The following MAP3K1 variants were observed in gnomAD, a reference collection of about 807,000 sequenced individuals.
MAP3K1 encodes the protein MAP/ERK kinase kinase 1.
Under a neutral mutation model 144.2 loss-of-function variants are expected in MAP3K1, and 36 were observed. The observed-to-expected ratio is 0.25, with a 90% CI of 0.19 to 0.33. The LOEUF is 0.33. Among genes scored for constraint, MAP3K1 ranks in the 10% least tolerant of loss-of-function variants. The pLI is 1.00. For missense variants in MAP3K1, 1,650 were observed against 1,881.9 expected, an observed-to-expected ratio of 0.88 and a Z score of 2.28; for synonymous variants, 718 against 688.7, an observed-to-expected ratio of 1.04 and a Z score of -0.67.
rs80205978 is a variant in MAP3K1, at chr5:56,895,976, C to A, written c.*2296C>A. On this transcript the variant is annotated 3_prime_UTR_variant, in exon 20 of 20. Coordinates refer to ENST00000399503, the MANE Select transcript of MAP3K1 (RefSeq NM_005921.2). ...CACCTTACTGTGTAAGCAAATGTTA[C>A]AAAAAAAAAAAAAAAAAATCTCTGG... The A allele has an allele frequency of 0.015, 2,704 of 180,996 alleles. No individual in the cohort carries two copies. Among genetic ancestry groups the A allele is most frequent in the Admixed American group, 0.017 (227 of 13,118 alleles). 11.2% of individuals were successfully genotyped at this position (180,996 alleles called of 1,614,324 possible).
chr5:56,872,587 AAAT>A (rs1201695530), intron 7 of MAP3K1, 51 bp from the exon 8 acceptor site: 11 of 1,015,758 alleles, frequency 1.1e-5, no homozygotes, highest in Non-Finnish European at 1.7e-5. Flanking sequence ...TATGAAATAA[AAAT>A]AATGTTAAAC....
intron 1 of MAP3K1, among the ~76,000 whole-genome samples, chr5:56,855,173 C>T (rs77146048): frequency 0.02 from 3,016 of 151,784 alleles, 122 homozygotes; most frequent in African/African-American, 0.069. Context: ...TCCATCCCCC[C>T]TTCCTCTTTC....
rs1748673523 is a variant in MAP3K1, at chr5:56,895,365, T to TG, written c.*1686dup. On this transcript the variant is annotated 3_prime_UTR_variant, in exon 20 of 20. Coordinates refer to ENST00000399503, the MANE Select transcript of MAP3K1 (RefSeq NM_005921.2). ...TTGTACTTGACTTTCTTTTTTATTT[T>TG]GTTTTTTTTTTTTTTTGACTACTTA... The TG allele has an allele frequency of 1.7e-5, 1 of 58,728 alleles. No homozygotes were observed. The highest frequency in any genetic ancestry group is 1.9e-4 in the Admixed American group (1 of 5,314). The allele number at this position is 58,728 out of a possible 1,614,324, so 3.6% of individuals were successfully genotyped here. A position where few individuals can be genotyped will look rare whatever the true frequency, so the allele number is the denominator to read the frequency against.
intron 1 of MAP3K1, among the ~76,000 whole-genome samples, chr5:56,847,333 A>G (rs1013622868): frequency 6.6e-5 from 10 of 152,238 alleles, no homozygotes; most frequent in Admixed American, 4.6e-4. Flanking sequence ...GTGGTGGCTC[A>G]TGCCTGTAAT....
chr5:56,864,628 C>T (rs1233255065), intron 3 of MAP3K1, 106 bp from the exon 4 acceptor site: 9 of 1,198,910 alleles, frequency 7.5e-6, no homozygotes, highest in Non-Finnish European at 9.9e-6. Context: ...CCTCCTCGGC[C>T]TCCCAAAGTG....
At chr5:56,883,469 A>C (rs1388746201) in intron 14 of MAP3K1, 58 bp from the exon 15 acceptor site, 1 of 1,533,738 alleles carries the variant, frequency 6.5e-7, no homozygotes, top group Admixed American at 1.7e-5. Context: ...CTTGCAGACT[A>C]ATTTCACAAA....
At chr5:56,829,395 C>T (rs1746420398) in intron 1 of MAP3K1, among the ~76,000 whole-genome samples, 1 of 149,596 alleles carries the variant, frequency 6.7e-6, no homozygotes, top group Non-Finnish European at 1.5e-5. Flanking sequence ...GCCATGTTGC[C>T]TAAGCCGGTC....
intron 16 of MAP3K1, among the ~76,000 whole-genome samples, 172 bp downstream of exon 16, chr5:56,884,998 A>G (rs1008836787): frequency 2.6e-5 from 4 of 152,218 alleles, no homozygotes; most frequent in African/African-American, 4.8e-5. Flanking sequence ...TATTTCATTT[A>G]CTATAAATGA....
Position 56,894,116 on chromosome 5 carries a change from T to C in MAP3K1, c.*436T>C, listed in dbSNP as rs1297606181. 1 of 321,102 alleles carries C rather than the reference T, an allele frequency of 3.1e-6. No individual in the cohort carries two copies. Among genetic ancestry groups the C allele is most frequent in the Non-Finnish European group, 5.9e-6 (1 of 170,782 alleles). The allele number at this position is 321,102 out of a possible 1,614,324, so 19.9% of individuals were successfully genotyped here. A position where few individuals can be genotyped will look rare whatever the true frequency, so the allele number is the denominator to read the frequency against. ...CGTTCAAATTTTTTGTCACTGGCTATAAAATCAGTATCTGCCTCTTTTAGG... is the reference window on the plus strand; with the variant it reads ...CGTTCAAATTTTTTGTCACTGGCTACAAAATCAGTATCTGCCTCTTTTAGG... On this transcript the variant is annotated 3_prime_UTR_variant, in exon 20 of 20. Transcript: ENST00000399503.
intron 1 of MAP3K1, among the ~76,000 whole-genome samples, chr5:56,821,950 A>G (rs987657250): frequency 3.9e-5 from 6 of 152,232 alleles, no homozygotes; most frequent in Non-Finnish European, 5.9e-5. Flanking sequence ...GATTTTAATC[A>G]TGATCTAGCT....
chr5:56,858,061 A>G (rs1400429226), intron 2 of MAP3K1, among the ~76,000 whole-genome samples: 2 of 152,216 alleles, frequency 1.3e-5, no homozygotes, highest in African/African-American at 2.4e-5. Context: ...GAAGGTGAAT[A>G]TGAAGAAATT....
In MAP3K1 at chr5:56,895,339, G is replaced by A. The variant is rs1219767860; in HGVS notation, c.*1659G>A. 1 of 228,190 alleles carries A rather than the reference G, an allele frequency of 4.4e-6. No individual in the cohort carries two copies. Among genetic ancestry groups the A allele is most frequent in the African/African-American group, 2.3e-5 (1 of 44,296 alleles). 14.1% of individuals were successfully genotyped at this position (228,190 alleles called of 1,614,324 possible). On this transcript the variant is annotated 3_prime_UTR_variant, in exon 20 of 20. Coordinates refer to ENST00000399503, the MANE Select transcript of MAP3K1 (RefSeq NM_005921.2). The stretch of plus-strand genomic sequence containing the variant: ...TGTGAAGTTTGGTATCTCTAAATGT[G>A]TTGTACTTGACTTTCTTTTTTATTT...
Position 56,882,025 on chromosome 5 carries a change from C to T in MAP3K1, c.2825C>T (p.Thr942Ile), listed in dbSNP as rs200778337. 2 of 819,262 alleles carry T rather than the reference C, an allele frequency of 2.4e-6. No homozygotes were observed. Among genetic ancestry groups the T allele is most frequent in the African/African-American group, 9.0e-5 (2 of 22,178 alleles). The allele number at this position is 819,262 out of a possible 1,614,324, so 50.7% of individuals were successfully genotyped here. A position where few individuals can be genotyped will look rare whatever the true frequency, so the allele number is the denominator to read the frequency against. The change falls in exon 14 of 20, where the codon ACA becomes ATA. Residue 942 changes from threonine (T) to isoleucine (I), a missense_variant. Physicochemically the swap from Thr to Ile is moderately conservative, Grantham distance 89 (BLOSUM62 -1). This residue lies in a region of MAP3K1 where 841 missense variants were observed against 886.5 expected (regional missense o/e 0.95). Coordinates refer to ENST00000399503, the MANE Select transcript of MAP3K1 (RefSeq NM_005921.2). ...ATTTCAGTAGGACCTTCTAGTTCAA[C>T]AACAACAACAACAACAACAACAGAG... Reference protein sequence around the residue: ...ASISVGPSSSTTTTTTTTEQP... With the variant: ...ASISVGPSSSITTTTTTTEQP...
At chr5:56,893,502 A>G in intron 19 of MAP3K1, 29 bp from the exon 20 acceptor site, 1 of 1,612,968 alleles carries the variant, frequency 6.2e-7, no homozygotes, top group Non-Finnish European at 8.5e-7. Flanking sequence ...CAGTTGTGCA[A>G]AGCTTCAACA....
chr5:56,858,387 G>A (rs1747402401), intron 2 of MAP3K1, among the ~76,000 whole-genome samples: 1 of 152,194 alleles, frequency 6.6e-6, no homozygotes, highest in Admixed American at 6.5e-5. Flanking sequence ...TTTCTAGCAA[G>A]TACCAAAGTA....
rs1458822811 is a variant in MAP3K1 at position 56,894,872 on chromosome 5, C to G, written c.*1192C>G. The G allele has an allele frequency of 4.3e-6, 1 of 231,826 alleles. No individual in the cohort carries two copies. Among genetic ancestry groups the G allele is most frequent in the Non-Finnish European group, 8.5e-6 (1 of 117,256 alleles). 14.4% of individuals were successfully genotyped at this position (231,826 alleles called of 1,614,324 possible). ...CAGAAAGAAAAATGGAATTGAATTT[C>G]ATTTATACACTAATTCCTTGGATTT... On this transcript the variant is annotated 3_prime_UTR_variant, in exon 20 of 20. Coordinates refer to ENST00000399503, the MANE Select transcript of MAP3K1 (RefSeq NM_005921.2).
rs1171834126 is a variant in MAP3K1, at chr5:56,895,737, A to G, written c.*2057A>G. 4.3e-6 allele frequency: 1 copy of G among 232,092 alleles called. No individual in the cohort carries two copies. Among genetic ancestry groups the G allele is most frequent in the Non-Finnish European group, 8.5e-6 (1 of 117,408 alleles). The allele number at this position is 232,092 out of a possible 1,614,324, so 14.4% of individuals were successfully genotyped here. On this transcript the variant is annotated 3_prime_UTR_variant, in exon 20 of 20. Coordinates refer to ENST00000399503, the MANE Select transcript of MAP3K1 (RefSeq NM_005921.2). ...CTTATTTTCTTTGGATCAAAGCTGG[A>G]CTGGAAATTGTATCGTGTAATTATT...
intron 1 of MAP3K1, chr5:56,817,096 A>G (rs976192414): frequency 1.0e-6 from 1 of 985,386 alleles, no homozygotes; most frequent in Non-Finnish European, 1.2e-6. Flanking sequence ...TCTGGTGCAT[A>G]TGAAGTACAG....
chr5:56,816,149 C>T, intron 1 of MAP3K1, 94 bp downstream of exon 1: 1 of 1,127,916 alleles, frequency 8.9e-7, no homozygotes, highest in South Asian at 4.5e-5. Flanking sequence ...TCCCGGGGTT[C>T]AGCGCAGCGA....
Sources: gnomAD v4.1 joint callset for allele counts (sites outside exome capture counted in the v4.1 genomes callset) on GRCh38, gnomAD v4.1.1 for gene constraint, gnomAD v4.1.1 regional missense constraint, MANE v1.5 for transcripts, NCBI Gene and HGNC (gene_info 2026-07-23, HGNC 2026-07-21) for gene names.